The following CARMIL1 variants were observed in gnomAD, a reference collection of about 807,000 sequenced individuals.
CARMIL1 encodes the protein capping protein regulator and myosin 1 linker 1, also known as F-actin-uncapping protein LRRC16A.
In CARMIL1, 90 loss-of-function variants were observed where a neutral mutation model predicts 177.1. The ratio of observed to expected loss-of-function variants is 0.51; its 90% CI spans 0.43 to 0.61. The LOEUF (loss-of-function observed/expected upper bound fraction) is 0.61. Among genes scored for constraint, CARMIL1 ranks in the 20% least tolerant of loss-of-function variants. CARMIL1 has a pLI of 0.00. For missense variants in CARMIL1, 1,380 were observed against 1,667.0 expected (o/e 0.83, Z 3.00); for synonymous variants, 577 against 606.2 (o/e 0.95, Z 0.71).
At chr6:25,385,578 A>G (rs1186247462) in intron 2 of CARMIL1, among the ~76,000 whole-genome samples, 2 of 152,224 alleles carry the variant, frequency 1.3e-5, no homozygotes, top group Non-Finnish European at 2.9e-5. Flanking sequence ...TAAACAGAAG[A>G]GATAAATAGT....
intron 35 of CARMIL1, among the ~76,000 whole-genome samples, chr6:25,609,173 G>T (rs1816272366): frequency 6.6e-6 from 1 of 152,050 alleles, no homozygotes; most frequent in Admixed American, 6.5e-5. Context: ...TTTGAATTAA[G>T]AGACTAGAAT....
chr6:25,597,453 T>C (rs1172025188), intron 32 of CARMIL1, among the ~76,000 whole-genome samples: 1 of 152,246 alleles, frequency 6.6e-6, no homozygotes, highest in East Asian at 1.9e-4. Context: ...TAGAATTTTT[T>C]GTTTTCCTTG....
intron 23 of CARMIL1, among the ~76,000 whole-genome samples, chr6:25,521,076 G>A (rs1425867357): frequency 6.6e-6 from 1 of 152,104 alleles, no homozygotes; most frequent in Non-Finnish European, 1.5e-5. Context: ...TCATCCAAAA[G>A]ACCACCAAGA....
chr6:25,539,662 A>T (rs1389390572), intron 25 of CARMIL1, among the ~76,000 whole-genome samples: 5 of 135,772 alleles, frequency 3.7e-5, no homozygotes, highest in African/African-American at 1.3e-4. Context: ...AGACATGAGG[A>T]GGTAATGTAT....
At chr6:25,590,023 G>T (rs1425176861) in intron 31 of CARMIL1, among the ~76,000 whole-genome samples, 6 of 152,144 alleles carry the variant, frequency 3.9e-5, no homozygotes, top group Non-Finnish European at 7.4e-5. Context: ...GGCCAGAAAT[G>T]AATCATATTT....
intron 17 of CARMIL1, among the ~76,000 whole-genome samples, chr6:25,508,585 G>T (rs187107289): frequency 1.3e-5 from 2 of 152,144 alleles, no homozygotes; most frequent in African/African-American, 4.8e-5. Context: ...TCCTGATATC[G>T]CATCCAAAAT....
At chr6:25,512,746 C>T (rs1281287610) in intron 20 of CARMIL1, among the ~76,000 whole-genome samples, 1 of 152,114 alleles carries the variant, frequency 6.6e-6, no homozygotes, top group African/African-American at 2.4e-5. Context: ...CAACTATAGA[C>T]AGTGGTTTTC....
intron 2 of CARMIL1, among the ~76,000 whole-genome samples, chr6:25,312,312 G>A (rs1030216782): frequency 2.6e-5 from 4 of 152,180 alleles, no homozygotes; most frequent in African/African-American, 9.7e-5. Context: ...CTTTAGTACA[G>A]GAGTATATTC....
At chr6:25,473,556 A>G (rs74760108) in intron 11 of CARMIL1, among the ~76,000 whole-genome samples, 18,359 of 152,266 alleles carry the variant, frequency 0.12, 1,379 homozygotes, top group South Asian at 0.19. Flanking sequence ...AAAGGTCTTT[A>G]TCTTGGTCAT....
Position 25,553,953 on chromosome 6 carries a change from A to AT in CARMIL1, c.2505-52dup, listed in dbSNP as rs1335223759. On this transcript the variant is annotated intron_variant, in intron 27 of 36. Transcript: ENST00000329474. Reference sequence around the variant, plus strand: ...ATCACTATAGCAGCAAGGGTGGATCATTTTCCCCTCTTGCACAAATTAAAA... The same window carrying AT: ...ATCACTATAGCAGCAAGGGTGGATCATTTTTCCCCTCTTGCACAAATTAAAA... The AT allele has an allele frequency of 7.0e-5, 83 of 1,181,560 alleles. No individual in the cohort carries two copies. In the Admixed American group the frequency reaches 1.6e-3, roughly 23 times the overall value. The allele number at this position is 1,181,560 out of a possible 1,614,324, so 73.2% of individuals were successfully genotyped here.
intron 2 of CARMIL1, among the ~76,000 whole-genome samples, chr6:25,296,935 T>TCTATCTTTAAC (rs11414122): frequency 0.053 from 7,206 of 135,578 alleles, 228 homozygotes; most frequent in Admixed American, 0.08. Context: ...CTATCTATCT[T>TCTATCTTTAAC]TAACTAACTA....
intron 2 of CARMIL1, among the ~76,000 whole-genome samples, chr6:25,362,928 T>A (rs60982159): frequency 1.3e-5 from 2 of 152,018 alleles, no homozygotes; most frequent in Admixed American, 1.3e-4. Context: ...CCAGCTACTC[T>A]GGGGGCTGAA....
At chr6:25,479,190 C>G (rs772871125) in intron 11 of CARMIL1, 1 of 519,014 alleles carries the variant, frequency 1.9e-6, no homozygotes, top group Non-Finnish European at 3.8e-6. Context: ...ATTACCAGCC[C>G]TGTCCTCTAC....
chr6:25,508,459 G>C (rs1482868908), intron 17 of CARMIL1, among the ~76,000 whole-genome samples: 2 of 152,192 alleles, frequency 1.3e-5, no homozygotes, highest in Non-Finnish European at 2.9e-5. Flanking sequence ...ATACTTGGGA[G>C]GCTGAGGTGG....
chr6:25,488,474 T>A lies in CARMIL1; in HGVS notation c.962-8T>A. On this transcript the variant is annotated splice_region_variant and splice_polypyrimidine_tract_variant and intron_variant, in intron 12 of 36. Transcript: ENST00000329474. ...GCAAACTGAGCCTGGATTTTCTTGA[T>A]GTTGCAGGGGTGAACAGCCTTTCTC... 4 of 1,610,342 alleles carry A rather than the reference T, an allele frequency of 2.5e-6. No individual in the cohort carries two copies. The highest frequency in any genetic ancestry group is 2.2e-5 in the East Asian group (1 of 44,868).
chr6:25,502,331 G>A (rs952219382), intron 17 of CARMIL1, among the ~76,000 whole-genome samples: 1 of 151,942 alleles, frequency 6.6e-6, no homozygotes, highest in African/African-American at 2.4e-5. Context: ...GGCCTAGGCG[G>A]GTGGATTACG....
chr6:25,571,588 A>G (rs116186932), intron 29 of CARMIL1, among the ~76,000 whole-genome samples: 2,538 of 152,002 alleles, frequency 0.017, 36 homozygotes, highest in Middle Eastern at 0.034. Flanking sequence ...ATACTTTACA[A>G]TTAGTACTTT....
intron 3 of CARMIL1, chr6:25,420,451 C>T (rs1254993922): frequency 6.0e-6 from 2 of 334,022 alleles, no homozygotes; most frequent in South Asian, 4.7e-5. Flanking sequence ...CCAAGAAAAT[C>T]AGTGAAGGAT....
At position 25,556,717 on chromosome 6, in the gene CARMIL1, G is replaced by A. The variant is rs1295702785; in HGVS notation, c.2609G>A (p.Arg870Lys). 3.1e-6 allele frequency: 5 copies of A among 1,613,008 alleles called. No homozygotes were observed. In the African/African-American group the frequency reaches 6.7e-5, roughly 22 times the overall value. Residue 870 changes from arginine (R) to lysine (K), a missense_variant, in exon 29 of 37, where the codon AGA becomes AAA. Physicochemically the swap from Arg to Lys is conservative, Grantham distance 26. Transcript: ENST00000329474. The stretch of plus-strand genomic sequence containing the variant: ...ACCTTCTAGGCTGACCATTTCAGCA[G>A]ACGTGGCAAGACCCTTCCTCAACAA... ...CHHKLADHFS[R>K]RGKTLPQQES...
Sources: gnomAD v4.1 joint callset for allele counts (sites outside exome capture counted in the v4.1 genomes callset) on GRCh38, gnomAD v4.1.1 for gene constraint, MANE v1.5 for transcripts, NCBI Gene and HGNC (gene_info 2026-07-23, HGNC 2026-07-21) for gene names.